KIN: variants seen among roughly 807,000 people sequenced by gnomAD.
KIN encodes DNA/RNA-binding protein KIN17.
In KIN, 47 loss-of-function variants were observed where a neutral mutation model predicts 63.0. That is an observed-to-expected ratio of 0.75 (90% CI 0.59 to 0.95). KIN has a LOEUF of 0.95. Among genes scored for constraint, KIN ranks in the 40% least tolerant of loss-of-function variants. The pLI, the probability that KIN is intolerant of heterozygous loss-of-function variation, is 0.00. For synonymous variants in KIN, 160 were observed against 157.7 expected, an observed-to-expected ratio of 1.01 and a Z score of -0.11; for missense variants, 408 against 460.9, an observed-to-expected ratio of 0.89 and a Z score of 1.05.
At chr10:7,761,729 T>C (rs1835439608) in intron 11 of KIN, among the ~76,000 whole-genome samples, 1 of 152,162 alleles carries the variant, frequency 6.6e-6, no homozygotes, top group Admixed American at 6.6e-5. Context: ...AGGATGAGTA[T>C]GGTGGCTCAG....
chr10:7,754,146 A>T lies in KIN; in HGVS notation c.*1934T>A, dbSNP rs572776837. The T allele has an allele frequency of 4.4e-6, 2 of 454,868 alleles. No homozygotes were observed. Among genetic ancestry groups the T allele is most frequent in the Non-Finnish European group, 8.8e-6 (2 of 226,444 alleles). 28.2% of individuals were successfully genotyped at this position (454,868 alleles called of 1,614,324 possible). Reference sequence around the variant, plus strand: ...AGAGTTTGAGACCAGCCTGGGCAACATAGCAAGACCTCATCTCTACTAAAA... The same window carrying T: ...AGAGTTTGAGACCAGCCTGGGCAACTTAGCAAGACCTCATCTCTACTAAAA... On this transcript the variant is annotated 3_prime_UTR_variant, in exon 13 of 13. Transcript: ENST00000379562.
Position 7,751,297 on chromosome 10 carries a change from TCA to T in KIN, c.*4781_*4782del, listed in dbSNP as rs1374122432. On this transcript the variant is annotated 3_prime_UTR_variant, in exon 13 of 13. Transcript: ENST00000379562. ...CTTCCTTTCCATAATCTGGTAAAAA[TCA>T]TTTTTCATTGTAGAGGCAAAACTCT... The T allele has an allele frequency of 1.3e-5, 2 of 152,234 alleles. No homozygotes were observed. 9.4% of individuals were successfully genotyped at this position (152,234 alleles called of 1,614,324 possible). A position where few individuals can be genotyped will look rare whatever the true frequency, so the allele number is the denominator to read the frequency against.
intron 8 of KIN, 110 bp from the exon 9 acceptor site, chr10:7,766,213 A>C (rs1835540810): frequency 4.9e-6 from 3 of 606,326 alleles, no homozygotes; most frequent in Non-Finnish European, 8.6e-6. Flanking sequence ...CCTCTACTTC[A>C]CAGAAGACCA....
At position 7,762,189 on chromosome 10, in the gene KIN, C is replaced by T. The variant is rs530744943; in HGVS notation, c.1018+268G>A. Reference sequence around the variant, plus strand: ...AACCATAAGCCTAATATAACAAATGCTATCCATATATGTCTACGTTTTGCT... The same window carrying T: ...AACCATAAGCCTAATATAACAAATGTTATCCATATATGTCTACGTTTTGCT... On this transcript the variant is annotated intron_variant, in intron 11 of 12. Coordinates refer to ENST00000379562, the MANE Select transcript of KIN (RefSeq NM_012311.4). Among the ~76,000 whole-genome samples, 155 of 151,080 alleles carry T rather than the reference C, an allele frequency of 1.0e-3. 1 individual carries two copies. Among genetic ancestry groups the T allele is most frequent in the African/African-American group, 3.7e-3 (152 of 41,134 alleles).
chr10:7,757,831 C>T (rs1364257296), intron 12 of KIN, among the ~76,000 whole-genome samples: 1 of 151,944 alleles, frequency 6.6e-6, no homozygotes, highest in Non-Finnish European at 1.5e-5. Flanking sequence ...GACATTTGGG[C>T]TTATAGGGCA....
Position 7,754,737 on chromosome 10 carries a change from G to C in KIN, c.*1343C>G, listed in dbSNP as rs1348543355. ...GAGTGCTCAAGAATGTAAATGTAGAGAGCCAGCACAGGAGCCAGAGACAGA... is the reference window on the plus strand; with the variant it reads ...GAGTGCTCAAGAATGTAAATGTAGACAGCCAGCACAGGAGCCAGAGACAGA... On this transcript the variant is annotated 3_prime_UTR_variant, in exon 13 of 13. Transcript: ENST00000379562. The C allele has an allele frequency of 6.6e-6, 1 of 152,302 alleles. No individual in the cohort carries two copies. Among genetic ancestry groups the C allele is most frequent in the East Asian group, 1.9e-4 (1 of 5,204 alleles). 9.4% of individuals were successfully genotyped at this position (152,302 alleles called of 1,614,324 possible). A position where few individuals can be genotyped will look rare whatever the true frequency, so the allele number is the denominator to read the frequency against.
rs1220567118 is a variant in KIN at position 7,759,882 on chromosome 10, A to C, written c.1119+8T>G. 3 of 1,395,798 alleles carry C rather than the reference A, an allele frequency of 2.1e-6. No homozygotes were observed. The highest frequency in any genetic ancestry group is 3.0e-6 in the Non-Finnish European group (3 of 995,734). The allele number at this position is 1,395,798 out of a possible 1,614,324, so 86.5% of individuals were successfully genotyped here. A position where few individuals can be genotyped will look rare whatever the true frequency, so the allele number is the denominator to read the frequency against. ...TTGAAATTTCTGTCTTTGTGTAAACAAACTTACAGTTTCAATGACGATAGT... is the reference window on the plus strand; with the variant it reads ...TTGAAATTTCTGTCTTTGTGTAAACCAACTTACAGTTTCAATGACGATAGT... On this transcript the variant is annotated splice_region_variant and intron_variant, in intron 12 of 12. Coordinates refer to ENST00000379562, the MANE Select transcript of KIN (RefSeq NM_012311.4).
At chr10:7,774,965 CAA>C in intron 6 of KIN, 74 bp from the exon 7 acceptor site, 1 of 1,092,190 alleles carries the variant, frequency 9.2e-7, no homozygotes, top group South Asian at 1.3e-5. Flanking sequence ...TAAGATACTA[CAA>C]AGTGTTCACA....
chr10:7,771,590 A>G (rs1835666252), intron 7 of KIN, among the ~76,000 whole-genome samples: 2 of 151,934 alleles, frequency 1.3e-5, no homozygotes, highest in African/African-American at 4.8e-5. Context: ...GCTATTATTT[A>G]CTCTTCTTAA....
At chr10:7,769,947 T>C (rs1203173154) in intron 7 of KIN, among the ~76,000 whole-genome samples, 1 of 152,200 alleles carries the variant, frequency 6.6e-6, no homozygotes, top group Non-Finnish European at 1.5e-5. Context: ...ATCCTTTTTT[T>C]TGAGATGGAG....
At chr10:7,784,086 T>A (rs1232809383) in intron 1 of KIN, among the ~76,000 whole-genome samples, 1 of 152,160 alleles carries the variant, frequency 6.6e-6, no homozygotes, top group East Asian at 1.9e-4. Context: ...ATCAGCCTCA[T>A]AAATAAACAG....
At chr10:7,761,633 C>T (rs1835437739) in intron 11 of KIN, among the ~76,000 whole-genome samples, 1 of 152,188 alleles carries the variant, frequency 6.6e-6, no homozygotes, top group South Asian at 2.1e-4. Context: ...TGACAGGCCA[C>T]TGTCAAGATG....
intron 2 of KIN, among the ~76,000 whole-genome samples, chr10:7,781,966 G>A (rs574929079): frequency 6.6e-6 from 1 of 152,084 alleles, no homozygotes; most frequent in Non-Finnish European, 1.5e-5. Context: ...GCCAAGGCAG[G>A]AGAATTGCTT....
intron 5 of KIN, among the ~76,000 whole-genome samples, chr10:7,777,646 T>A (rs915951458): frequency 2.0e-5 from 3 of 152,050 alleles, no homozygotes; most frequent in African/African-American, 7.2e-5. Context: ...GCCTGTAATC[T>A]CAGCATTTTG....
In KIN at chr10:7,762,517, CA is replaced by C; in HGVS notation, c.957del (p.Ile319MetfsTer7). On this transcript the variant is annotated frameshift_variant, in exon 11 of 13. Coordinates refer to ENST00000379562, the MANE Select transcript of KIN (RefSeq NM_012311.4). LOFTEE classifies it high-confidence loss of function. The part of the protein sequence containing the change: ...IDKYTAVVKM[I>X]DSGDKLKLDQ... ...TCAAGTTTCAGCTTGTCTCCAGAAT[CA>C]ATCATCTTCACAACAGCTGTATATT... 3.1e-6 allele frequency: 5 copies of C among 1,611,514 alleles called. No homozygotes were observed. The highest frequency in any genetic ancestry group is 4.2e-6 in the Non-Finnish European group (5 of 1,178,316).
chr10:7,751,922 CT>C lies in KIN; in HGVS notation c.*4157del, dbSNP rs1314848778. The C allele has an allele frequency of 0.029, 61 of 2,072 alleles. No individual in the cohort carries two copies. Among genetic ancestry groups the C allele is most frequent in the African/African-American group, 0.1 (54 of 518 alleles). 0.1% of individuals were successfully genotyped at this position (2,072 alleles called of 1,614,324 possible). A position where few individuals can be genotyped will look rare whatever the true frequency, so the allele number is the denominator to read the frequency against. On this transcript the variant is annotated 3_prime_UTR_variant, in exon 13 of 13. Transcript: ENST00000379562. ...CGGTGGCGGGCGCCTGTAGTCCCAG[CT>C]ACTCGGGAGGCTGAGGCAGGAGAAT...
intron 8 of KIN, chr10:7,766,311 T>C: frequency 2.2e-6 from 1 of 447,746 alleles, no homozygotes; most frequent in Non-Finnish European, 3.9e-6. Context: ...TTTTTAAAAG[T>C]ATATAATAAA....
chr10:7,765,476 A>C (rs1335119112), intron 9 of KIN, among the ~76,000 whole-genome samples: 1 of 152,188 alleles, frequency 6.6e-6, no homozygotes, highest in Non-Finnish European at 1.5e-5. Flanking sequence ...GTTTTATGAA[A>C]ATGTCATGTC....
At chr10:7,773,017 G>A (rs1206146423) in intron 7 of KIN, among the ~76,000 whole-genome samples, 7 of 152,224 alleles carry the variant, frequency 4.6e-5, no homozygotes, top group Non-Finnish European at 1.5e-5. Flanking sequence ...AAGGTGGAGG[G>A]AGATTTGACA....
Sources: allele counts gnomAD v4.1 joint callset (sites outside exome capture counted in the v4.1 genomes callset), GRCh38; gene constraint gnomAD v4.1.1; transcripts MANE v1.5; gene names NCBI Gene and HGNC (gene_info 2026-07-23, HGNC 2026-07-21).